Variants in LRRC7 observed in about 807,000 individuals in gnomAD.
The protein encoded by LRRC7 is leucine-rich repeat-containing protein 7.
Under a neutral mutation model 175.7 loss-of-function variants are expected in LRRC7, and 23 were observed. The ratio of observed to expected loss-of-function variants is 0.13; its 90% CI spans 0.09 to 0.19. LRRC7 has a LOEUF of 0.19. Ranked by LOEUF, LRRC7 falls within the 10% of genes least tolerant of loss-of-function variation. The pLI is 1.00. For synonymous variants in LRRC7, 685 were observed against 680.9 expected (o/e 1.01, Z -0.09); for missense variants, 1,354 against 1,904.7 (o/e 0.71, Z 5.38).
chr1:69,580,370 A>G (rs915858437), intron 1 of LRRC7, among the ~76,000 whole-genome samples: 2 of 152,184 alleles, frequency 1.3e-5, no homozygotes, highest in Non-Finnish European at 2.9e-5. Flanking sequence ...ACATAAAGAT[A>G]TTATTTAAAA....
intron 7 of LRRC7, among the ~76,000 whole-genome samples, chr1:69,857,401 G>A (rs537260133): frequency 1.6e-4 from 24 of 152,278 alleles, no homozygotes; most frequent in Non-Finnish European, 3.4e-4. Context: ...AAGCTGATAA[G>A]CAACTTCAGC....
At chr1:69,625,006 A>G (rs1185840289) in intron 1 of LRRC7, among the ~76,000 whole-genome samples, 1 of 152,120 alleles carries the variant, frequency 6.6e-6, no homozygotes, top group Non-Finnish European at 1.5e-5. Flanking sequence ...CATTTTAGAA[A>G]CAATTCGTCA....
At chr1:69,821,436 A>T (rs541899472) in intron 4 of LRRC7, among the ~76,000 whole-genome samples, 1 of 151,898 alleles carries the variant, frequency 6.6e-6, no homozygotes, top group South Asian at 2.1e-4. Flanking sequence ...GGATTTTTTT[A>T]ATGATTTCTA....
At chr1:69,899,404 A>C (rs991094567) in intron 7 of LRRC7, among the ~76,000 whole-genome samples, 5 of 152,230 alleles carry the variant, frequency 3.3e-5, no homozygotes, top group South Asian at 2.1e-4. Context: ...CCTGAAGTAG[A>C]GAATTGCCAA....
At chr1:69,962,783 A>G (rs930002135) in intron 8 of LRRC7, among the ~76,000 whole-genome samples, 1 of 152,198 alleles carries the variant, frequency 6.6e-6, no homozygotes, top group Middle Eastern at 3.4e-3. Flanking sequence ...ATGAGAACAC[A>G]TGGACAGATA....
intron 4 of LRRC7, among the ~76,000 whole-genome samples, chr1:69,824,149 G>T (rs1679621831): frequency 6.6e-6 from 1 of 152,048 alleles, no homozygotes; most frequent in Non-Finnish European, 1.5e-5. Flanking sequence ...CGTAATTCAA[G>T]CATATACCAT....
intron 2 of LRRC7, among the ~76,000 whole-genome samples, chr1:69,730,435 G>A (rs1398045430): frequency 6.6e-6 from 1 of 152,092 alleles, no homozygotes; most frequent in Non-Finnish European, 1.5e-5. Context: ...CAAGTTCAAA[G>A]TTCCACAGAT....
intron 26 of LRRC7, among the ~76,000 whole-genome samples, chr1:70,115,289 TTTTTTGTGTAAGGTTGCAATGG>T (rs1231506427): frequency 6.6e-6 from 1 of 152,154 alleles, no homozygotes; most frequent in African/African-American, 2.4e-5. Flanking sequence ...TGCAGAAGCA[TTTTTTGTGTAAGGTTGCAATGG>T]TTTTTGTGTA....
chr1:69,818,144 C>A (rs1194067446), intron 4 of LRRC7, among the ~76,000 whole-genome samples: 10 of 152,000 alleles, frequency 6.6e-5, no homozygotes, highest in Non-Finnish European at 1.5e-4. Context: ...ACTTTCAGTA[C>A]TATGTTAAAT....
chr1:69,894,757 G>A (rs1470229422), intron 7 of LRRC7, among the ~76,000 whole-genome samples: 1 of 152,148 alleles, frequency 6.6e-6, no homozygotes, highest in Non-Finnish European at 1.5e-5. Context: ...GACAAATGCT[G>A]TGTAATATCT....
intron 6 of LRRC7, 58 bp downstream of exon 6, chr1:69,834,927 C>A: frequency 1.5e-6 from 2 of 1,336,534 alleles, no homozygotes; most frequent in Non-Finnish European, 2.1e-6. Context: ...AGTGCTTTAC[C>A]AGTGCCAGTT....
chr1:69,977,592 T>C (rs974133880), intron 8 of LRRC7, among the ~76,000 whole-genome samples: 6 of 152,214 alleles, frequency 3.9e-5, no homozygotes, highest in African/African-American at 1.2e-4. Flanking sequence ...ACATCCTCCC[T>C]TTGTATTTCC....
At chr1:69,803,073 C>T (rs1227725153) in intron 4 of LRRC7, among the ~76,000 whole-genome samples, 1 of 151,284 alleles carries the variant, frequency 6.6e-6, no homozygotes, top group African/African-American at 2.4e-5. Context: ...CTTTTATATA[C>T]AAAAAGCTTT....
chr1:69,863,450 C>A (rs1396408379), intron 7 of LRRC7, among the ~76,000 whole-genome samples: 1 of 152,148 alleles, frequency 6.6e-6, no homozygotes, highest in East Asian at 1.9e-4. Flanking sequence ...GCCTAGTATT[C>A]TGCCCAGTGC....
At chr1:69,919,170 G>A (rs1435952563) in intron 7 of LRRC7, among the ~76,000 whole-genome samples, 1 of 152,066 alleles carries the variant, frequency 6.6e-6, no homozygotes, top group East Asian at 1.9e-4. Flanking sequence ...AATTCTAACT[G>A]CCACCAGGCC....
intron 1 of LRRC7, among the ~76,000 whole-genome samples, chr1:69,664,246 A>T (rs1297574341): frequency 6.6e-6 from 1 of 152,206 alleles, no homozygotes; most frequent in Non-Finnish European, 1.5e-5. Flanking sequence ...GCTGTTGTGA[A>T]TAGGTCTTCA....
At chr1:70,059,474 AGTGT>A (rs10542055) in intron 23 of LRRC7, among the ~76,000 whole-genome samples, 56,749 of 131,778 alleles carry the variant, frequency 0.43, 12,367 homozygotes, top group Non-Finnish European at 0.51. Flanking sequence ...ACTAGAAGAA[AGTGT>A]GTGTGTGTGT....
chr1:69,618,627 T>C (rs1366306253), intron 1 of LRRC7, among the ~76,000 whole-genome samples: 1 of 152,172 alleles, frequency 6.6e-6, no homozygotes, highest in Non-Finnish European at 1.5e-5. Context: ...AGGCTTCAGA[T>C]TTATGAACTT....
chr1:69,758,512 C>G (rs1670677411), intron 2 of LRRC7, among the ~76,000 whole-genome samples: 1 of 151,940 alleles, frequency 6.6e-6, no homozygotes, highest in African/African-American at 2.4e-5. Context: ...TTTCTTCTAA[C>G]TTTTACTTAT....
Sources: allele counts gnomAD v4.1 joint callset (sites outside exome capture counted in the v4.1 genomes callset), GRCh38; gene constraint gnomAD v4.1.1; transcripts MANE v1.5; gene names NCBI Gene and HGNC (gene_info 2026-07-23, HGNC 2026-07-21).